Variants in GSAP observed in about 807,000 individuals in gnomAD.
The protein encoded by GSAP is gamma-secretase-activating protein.
Under a neutral mutation model 131.7 loss-of-function variants are expected in GSAP, and 118 were observed. The observed-to-expected ratio is 0.90, with a 90% CI of 0.77 to 1.04. The LOEUF is 1.04. Among genes scored for constraint, GSAP ranks in the 50% least tolerant of loss-of-function variants. The pLI is 0.00. For missense variants in GSAP, 1,019 were observed against 1,013.2 expected (o/e 1.01, Z -0.08); for synonymous variants, 381 against 363.4 (o/e 1.05, Z -0.55).
chr7:77,386,880 G>A (rs1196870200), intron 6 of GSAP, among the ~76,000 whole-genome samples: 3 of 152,168 alleles, frequency 2.0e-5, no homozygotes, highest in African/African-American at 4.8e-5. Flanking sequence ...TACTATAAGT[G>A]TTTAATTTAG....
chr7:77,409,703 G>A (rs922033406), intron 1 of GSAP, among the ~76,000 whole-genome samples: 2 of 152,258 alleles, frequency 1.3e-5, no homozygotes, highest in East Asian at 1.9e-4. Flanking sequence ...ATAAGTATGC[G>A]AGGAGAGATC....
chr7:77,381,861 GTCTCTT>G (rs1431337675), intron 7 of GSAP, among the ~76,000 whole-genome samples: 1 of 148,262 alleles, frequency 6.7e-6, no homozygotes, highest in Non-Finnish European at 1.5e-5. Context: ...TGTGTAGATG[GTCTCTT>G]TCTATCAGTA....
intron 6 of GSAP, among the ~76,000 whole-genome samples, chr7:77,383,290 AAAC>A: frequency 6.6e-6 from 1 of 151,514 alleles, no homozygotes; most frequent in East Asian, 1.9e-4. Context: ...GAAACAATGC[AAAC>A]AACATTTATA....
intron 6 of GSAP, among the ~76,000 whole-genome samples, chr7:77,386,274 A>G (rs968219453): frequency 2.0e-5 from 3 of 152,204 alleles, no homozygotes; most frequent in African/African-American, 7.2e-5. Flanking sequence ...TTATACAATA[A>G]AATAGGCAAT....
At chr7:77,343,104 C>T (rs1791261453) in intron 19 of GSAP, among the ~76,000 whole-genome samples, 1 of 152,202 alleles carries the variant, frequency 6.6e-6, no homozygotes, top group Non-Finnish European at 1.5e-5. Flanking sequence ...GAGACGGGAC[C>T]GTGTTCTGCA....
chr7:77,364,496 G>A (rs866917371), intron 12 of GSAP, among the ~76,000 whole-genome samples: 28 of 136,588 alleles, frequency 2.0e-4, no homozygotes, highest in Admixed American at 4.8e-4. Context: ...CACAGGAAGG[G>A]GAACATCACA....
intron 3 of GSAP, among the ~76,000 whole-genome samples, chr7:77,402,586 T>C: frequency 4.8e-5 from 1 of 20,770 alleles, no homozygotes; most frequent in African/African-American, 1.3e-4. Flanking sequence ...AGAGTGAGAC[T>C]CTGTCTCAAA....
At chr7:77,311,471 G>A (rs1413670142) in intron 30 of GSAP, 22 bp from the exon 31 acceptor site, 1 of 1,397,398 alleles carries the variant, frequency 7.2e-7, no homozygotes, top group Admixed American at 1.7e-5. Flanking sequence ...TGGGGAGAGG[G>A]CAGGGAAAAA....
At chr7:77,351,050 C>G in intron 18 of GSAP, 1 of 797,362 alleles carries the variant, frequency 1.3e-6, no homozygotes, top group Non-Finnish European at 1.5e-6. Context: ...TGATATTTGT[C>G]TATAATTTAA....
At chr7:77,415,426 CTT>C (rs1804180404) in intron 1 of GSAP, 1 of 152,254 alleles carries the variant, frequency 6.6e-6, no homozygotes, top group African/African-American at 2.4e-5. Flanking sequence ...ACTTTTAAAA[CTT>C]TGTAAGAAAT....
chr7:77,335,356 C>A (rs114034933), intron 19 of GSAP, among the ~76,000 whole-genome samples: 1,911 of 152,254 alleles, frequency 0.013, 35 homozygotes, highest in African/African-American at 0.044. Flanking sequence ...CAAGAACATG[C>A]CACTGCATTC....
intron 5 of GSAP, among the ~76,000 whole-genome samples, chr7:77,389,443 C>G (rs927375047): frequency 3.3e-5 from 5 of 151,330 alleles, no homozygotes; most frequent in Admixed American, 6.6e-5. Context: ...CCCCCCTCCC[C>G]ACCCAACAGT....
intron 8 of GSAP, among the ~76,000 whole-genome samples, chr7:77,377,939 T>A (rs993523105): frequency 6.6e-6 from 1 of 152,194 alleles, no homozygotes. Flanking sequence ...CAGCAATACT[T>A]AACTACTCAT....
chr7:77,405,047 T>TA (rs1802025821), intron 2 of GSAP, among the ~76,000 whole-genome samples: 1 of 152,274 alleles, frequency 6.6e-6, no homozygotes, highest in Non-Finnish European at 1.5e-5. Flanking sequence ...TACAGTGATA[T>TA]AACTGTGCAA....
intron 19 of GSAP, among the ~76,000 whole-genome samples, chr7:77,346,740 C>T (rs539527246): frequency 5.3e-5 from 8 of 151,812 alleles, no homozygotes; most frequent in African/African-American, 1.9e-4. Context: ...GTATGACATA[C>T]TTATTGTGGT....
At position 77,355,640 on chromosome 7, in the gene GSAP, A is replaced by G. The variant is rs772611640; in HGVS notation, c.1035T>C (p.Tyr345=). 3.9e-6 allele frequency: 6 copies of G among 1,547,804 alleles called. No individual in the cohort carries two copies. Among genetic ancestry groups the G allele is most frequent in the Non-Finnish European group, 4.5e-6 (5 of 1,119,436 alleles). Reference sequence around the variant, plus strand: ...AATGACCAGGTAAGTAAACAGCCACATAATAGTCTATAGAAGAGAAAGATT... The same window carrying G: ...AATGACCAGGTAAGTAAACAGCCACGTAATAGTCTATAGAAGAGAAAGATT... ...KGITFLNLDY[Y]VAVYLPGHFF... is the part of the protein sequence containing the mutation. Residue 345 remains tyrosine, a synonymous_variant, in exon 15 of 31, where the codon TAT becomes TAC. Transcript: ENST00000257626.
At chr7:77,397,325 A>G in intron 4 of GSAP, 21 bp downstream of exon 4, 1 of 1,465,392 alleles carries the variant, frequency 6.8e-7, no homozygotes. Flanking sequence ...CTTGACATGT[A>G]GCAATAAGAG....
chr7:77,330,308 G>A lies in GSAP; in HGVS notation c.1605C>T (p.Tyr535=), dbSNP rs757403289. Reference sequence around the variant, plus strand: ...TGTTATAGTGGAAGTGTGGCTTGGCGTACTTAACATATTCTAGGTTGGAGT... The same window carrying A: ...TGTTATAGTGGAAGTGTGGCTTGGCATACTTAACATATTCTAGGTTGGAGT... ...KLNSNLEYVK[Y]AKPHFHYNNS... The change falls in exon 20 of 31, where the codon TAC becomes TAT. Residue 535 remains tyrosine, a synonymous_variant. Coordinates refer to ENST00000257626, the MANE Select transcript of GSAP (RefSeq NM_017439.4). 1.3e-5 allele frequency: 21 copies of A among 1,613,688 alleles called. No homozygotes were observed. Among genetic ancestry groups the A allele is most frequent in the East Asian group, 6.7e-5 (3 of 44,882 alleles).
chr7:77,397,885 AATT>A, intron 3 of GSAP, among the ~76,000 whole-genome samples: 1 of 152,322 alleles, frequency 6.6e-6, no homozygotes, highest in East Asian at 1.9e-4. Context: ...TGAGGTAATT[AATT>A]ACCTCAGTAA....
Sources: allele counts gnomAD v4.1 joint callset (sites outside exome capture counted in the v4.1 genomes callset), GRCh38; gene constraint gnomAD v4.1.1; transcripts MANE v1.5; gene names NCBI Gene and HGNC (gene_info 2026-07-23, HGNC 2026-07-21).